The following SLMAP variants were observed in gnomAD, a reference collection of about 807,000 sequenced individuals.
SLMAP encodes sarcolemma associated protein, also known as sarcolemmal membrane-associated protein.
In SLMAP, 44 loss-of-function variants were observed where a neutral mutation model predicts 128.8. The ratio of observed to expected loss-of-function variants is 0.34; its 90% CI spans 0.27 to 0.44. The LOEUF (loss-of-function observed/expected upper bound fraction) is 0.44, where lower values mean the gene tolerates loss of function less well. Ranked by LOEUF, SLMAP falls within the 20% of genes least tolerant of loss-of-function variation. The pLI is 1.00. For synonymous variants in SLMAP, 327 were observed against 348.8 expected (o/e 0.94, Z 0.70); for missense variants, 787 against 985.3 (o/e 0.80, Z 2.69).
In SLMAP at chr3:57,897,190, TTTGTTTACCC is replaced by T. The variant is rs2096264185; in HGVS notation, c.1501+263_1501+272del. On this transcript the variant is annotated intron_variant, in intron 17 of 24. Coordinates refer to ENST00000671191, the MANE Select transcript of SLMAP (RefSeq NM_001377540.1). The stretch of plus-strand genomic sequence containing the variant: ...TAGAATATGAAATGCAGCTGTGTTT[TTTGTTTACCC>T]TTGTGTCTCTAATAGGAATTTATTA... 14 of 1,023,914 alleles carry T rather than the reference TTTGTTTACCC, an allele frequency of 1.4e-5. No individual in the cohort carries two copies. The South Asian group carries it at 4.9e-4, about 36-fold the overall frequency. 63.4% of individuals were successfully genotyped at this position (1,023,914 alleles called of 1,614,324 possible).
intron 2 of SLMAP, among the ~76,000 whole-genome samples, chr3:57,763,450 A>G (rs1158901225): frequency 1.3e-5 from 2 of 151,486 alleles, no homozygotes; most frequent in Non-Finnish European, 2.9e-5. Flanking sequence ...ACTGTTTTTT[A>G]TTTTAGTAGA....
In SLMAP at chr3:57,774,509, A is replaced by AATTATT. The variant is rs66990452; in HGVS notation, c.198+16688_198+16693dup. On this transcript the variant is annotated intron_variant, in intron 2 of 24. Coordinates refer to ENST00000671191, the MANE Select transcript of SLMAP (RefSeq NM_001377540.1). ...CAAGAGAAATTAGACTTTAATAGAC[A>AATTATT]ATTATTATTATTATTATTATTATTA... 5.8e-3 allele frequency among the ~76,000 whole-genome samples: 849 copies of AATTATT among 147,414 alleles called. 5 individuals are homozygous for AATTATT. The highest frequency in any genetic ancestry group is 0.02 in the African/African-American group (781 of 39,940).
chr3:57,888,905 G>GTT (rs373855606), intron 14 of SLMAP, among the ~76,000 whole-genome samples: 1 of 149,244 alleles, frequency 6.7e-6, no homozygotes, highest in Non-Finnish European at 1.5e-5. Flanking sequence ...CTTTTTTTCT[G>GTT]TTTTTTTTTG....
At chr3:57,849,062 C>T (rs1560226854) in intron 5 of SLMAP, among the ~76,000 whole-genome samples, 1 of 150,870 alleles carries the variant, frequency 6.6e-6, no homozygotes, top group Non-Finnish European at 1.5e-5. Flanking sequence ...GGCTGAAGTG[C>T]AGTAGCGTGA....
At chr3:57,841,085 C>CA (rs2093914229) in intron 3 of SLMAP, among the ~76,000 whole-genome samples, 1 of 152,118 alleles carries the variant, frequency 6.6e-6, no homozygotes, top group African/African-American at 2.4e-5. Context: ...AGACACTTTT[C>CA]AAAATGATTC....
chr3:57,857,316 G>A (rs2094840206), intron 6 of SLMAP, among the ~76,000 whole-genome samples: 1 of 152,098 alleles, frequency 6.6e-6, no homozygotes, highest in Admixed American at 6.5e-5. Context: ...CCCAGTAGAT[G>A]CCTGAAATCA....
At chr3:57,909,014 C>T (rs1347796414) in intron 18 of SLMAP, 62 bp from the exon 19 acceptor site, 1 of 1,179,660 alleles carries the variant, frequency 8.5e-7, no homozygotes, top group Non-Finnish European at 1.2e-6. Flanking sequence ...TTCAGCTGCT[C>T]AACTCTGAGT....
chr3:57,838,812 G>A (rs2093768252), intron 3 of SLMAP, among the ~76,000 whole-genome samples: 1 of 152,168 alleles, frequency 6.6e-6, no homozygotes, highest in East Asian at 1.9e-4. Context: ...GGAGATCGCA[G>A]GTAGCTTGGC....
At chr3:57,765,934 T>G (rs2153435567) in intron 2 of SLMAP, among the ~76,000 whole-genome samples, 1 of 152,170 alleles carries the variant, frequency 6.6e-6, no homozygotes, top group South Asian at 2.1e-4. Context: ...CCCACTTAGT[T>G]CTTTGACATT....
At chr3:57,807,057 T>G (rs2090030627) in intron 2 of SLMAP, among the ~76,000 whole-genome samples, 1 of 152,222 alleles carries the variant, frequency 6.6e-6, no homozygotes, top group African/African-American at 2.4e-5. Flanking sequence ...TAATCAACAT[T>G]CTGACTGGTG....
chr3:57,917,365 A>G (rs948270227), intron 22 of SLMAP: 17 of 549,948 alleles, frequency 3.1e-5, no homozygotes, highest in South Asian at 6.7e-5. Context: ...CTCTTGATCT[A>G]TTGTTTAACT....
chr3:57,889,998 G>A, intron 14 of SLMAP, 43 bp from the exon 15 acceptor site: 1 of 1,390,242 alleles, frequency 7.2e-7, no homozygotes. Context: ...GGGAAATGCT[G>A]CTCAGTTTGG....
intron 22 of SLMAP, among the ~76,000 whole-genome samples, chr3:57,920,442 GTT>G (rs1342087456): frequency 1.1e-4 from 17 of 152,256 alleles, no homozygotes; most frequent in Non-Finnish European, 1.3e-4. Flanking sequence ...CCTGTCTAAT[GTT>G]TTTATACATT....
chr3:57,887,153 C>T (rs543470479), intron 14 of SLMAP, among the ~76,000 whole-genome samples: 4 of 151,620 alleles, frequency 2.6e-5, no homozygotes, highest in Admixed American at 1.3e-4. Context: ...GAGAAGATTC[C>T]GAAACCTTCT....
chr3:57,913,409 G>A, intron 21 of SLMAP, 134 bp downstream of exon 21: 1 of 515,638 alleles, frequency 1.9e-6, no homozygotes, highest in Non-Finnish European at 3.5e-6. Context: ...TGGCTATTTG[G>A]CAGGTTAACC....
chr3:57,762,713 T>G (rs2153430819), intron 2 of SLMAP, among the ~76,000 whole-genome samples: 1 of 144,152 alleles, frequency 6.9e-6, no homozygotes, highest in Non-Finnish European at 1.5e-5. Context: ...TAGAATGGTT[T>G]TTTTTTTTTT....
chr3:57,889,856 C>T (rs933439272), intron 14 of SLMAP, 185 bp from the exon 15 acceptor site: 10 of 467,554 alleles, frequency 2.1e-5, no homozygotes, highest in Admixed American at 7.4e-5. Flanking sequence ...TCTGCATTAA[C>T]GTGATTGCTC....
chr3:57,838,317 T>C (rs540499888), intron 3 of SLMAP, among the ~76,000 whole-genome samples: 2 of 152,362 alleles, frequency 1.3e-5, no homozygotes, highest in African/African-American at 4.8e-5. Flanking sequence ...AATCCATCTC[T>C]TCTGTCTTTT....
chr3:57,836,757 T>G (rs889100692), intron 3 of SLMAP, among the ~76,000 whole-genome samples: 1 of 152,210 alleles, frequency 6.6e-6, no homozygotes, highest in Non-Finnish European at 1.5e-5. Flanking sequence ...AACAAAGAGC[T>G]GACATTCTAA....
Sources: allele counts gnomAD v4.1 joint callset (sites outside exome capture counted in the v4.1 genomes callset), GRCh38; gene constraint gnomAD v4.1.1; transcripts MANE v1.5; gene names NCBI Gene and HGNC (gene_info 2026-07-23, HGNC 2026-07-21).